CD99: variants seen among roughly 807,000 people sequenced by gnomAD.
The protein encoded by CD99 is CD99 molecule (Xg blood group).
CD99 carries 19 observed loss-of-function variants against 28.4 expected under a neutral mutation model. That is an observed-to-expected ratio of 0.67 (90% CI 0.47 to 0.98). The LOEUF is 0.98. Ranked by LOEUF, CD99 falls within the 50% of genes least tolerant of loss-of-function variation. CD99 has a pLI of 0.00. For missense variants in CD99, 283 were observed against 248.8 expected (o/e 1.14, Z -0.92); for synonymous variants, 103 against 92.1 (o/e 1.12, Z -0.67).
chrX:2,727,563 A>T (rs2049358984), intron 8 of CD99, among the ~76,000 whole-genome samples: 1 of 151,986 alleles, frequency 6.6e-6, no homozygotes, highest in Non-Finnish European at 1.5e-5. Flanking sequence ...TGCAGTCTCC[A>T]CCCCACAGGT....
At chrX:2,693,157 T>C (rs1324212110) in intron 1 of CD99, among the ~76,000 whole-genome samples, 1 of 151,956 alleles carries the variant, frequency 6.6e-6, no homozygotes, top group African/African-American at 2.4e-5. Context: ...GTGGTTTTTT[T>C]TTTTTGGACG....
intron 1 of CD99, among the ~76,000 whole-genome samples, chrX:2,703,596 G>A (rs909024278): frequency 3.4e-5 from 5 of 146,744 alleles, no homozygotes; most frequent in African/African-American, 5.2e-5. Flanking sequence ...TTAACAAACC[G>A]AGCTGTTAAG....
In CD99 at chrX:2,728,666, C is replaced by T. The variant is rs755714173; in HGVS notation, c.475+2293C>T. On this transcript the variant is annotated intron_variant, in intron 8 of 9. Coordinates refer to ENST00000381192, the MANE Select transcript of CD99 (RefSeq NM_002414.5). ...TCTAGAAGTAGCGGAGGGGTTAAAA[C>T]AGTAGGGACTCAATGGAAGGGAATT... is the stretch of plus-strand genomic sequence containing the variant. Among the ~76,000 whole-genome samples, 3 of 152,238 alleles carry T rather than the reference C, an allele frequency of 2.0e-5. No homozygotes were observed. The South Asian group carries it at 6.2e-4, about 32-fold the overall frequency.
intron 1 of CD99, among the ~76,000 whole-genome samples, chrX:2,695,019 G>A (rs1218173526): frequency 1.3e-5 from 2 of 152,056 alleles, no homozygotes; most frequent in African/African-American, 4.8e-5. Flanking sequence ...GAATGTTTTC[G>A]GACTCAGATA....
At chrX:2,737,863 C>CTTT in intron 8 of CD99, 12 of 413,930 alleles carry the variant, frequency 2.9e-5, no homozygotes, top group South Asian at 7.2e-5. Flanking sequence ...GATGCACGTA[C>CTTT]TTTTTTTTTT....
intron 3 of CD99, 126 bp downstream of exon 3, chrX:2,717,778 A>G: frequency 1.3e-6 from 1 of 772,032 alleles, no homozygotes; most frequent in Non-Finnish European, 2.3e-6. Context: ...GAGTCTGGTT[A>G]ATAGTTAATA....
chrX:2,727,830 C>T (rs2049374612), intron 8 of CD99, among the ~76,000 whole-genome samples: 1 of 152,172 alleles, frequency 6.6e-6, no homozygotes, highest in African/African-American at 2.4e-5. Context: ...CTCTGGGTGT[C>T]TGAACTTCTC....
chrX:2,706,426 A>G (rs311055), intron 1 of CD99, among the ~76,000 whole-genome samples: 118,745 of 152,116 alleles, frequency 0.78, 46,516 homozygotes, highest in South Asian at 0.84. Flanking sequence ...ACTCAGCAGC[A>G]AGTAAAGAGC....
intron 1 of CD99, among the ~76,000 whole-genome samples, chrX:2,694,726 C>T (rs1280220390): frequency 2.0e-5 from 3 of 151,814 alleles, no homozygotes; most frequent in Non-Finnish European, 4.4e-5. Context: ...GCATTATGGC[C>T]TGGGTAACAG....
intron 1 of CD99, chrX:2,692,391 C>A: frequency 5.9e-6 from 1 of 169,332 alleles, no homozygotes; most frequent in Non-Finnish European, 1.3e-5. Flanking sequence ...CGGGAACGCC[C>A]GGCCCTGGGG....
chrX:2,717,639 G>A lies in CD99; in HGVS notation c.135G>A (p.Lys45=). The A allele has an allele frequency of 6.2e-7, 1 of 1,613,670 alleles. No individual in the cohort carries two copies. Among genetic ancestry groups the A allele is most frequent in the Non-Finnish European group, 8.5e-7 (1 of 1,179,612 alleles). ...NENKKPTAIP[K]KPSAGDDFDL... ...ACAAGAAACCCACTGCAATCCCCAA[G>A]AAACCCAGTGCTGGTGAGAAGGGCT... is the stretch of plus-strand genomic sequence containing the variant. Residue 45 remains lysine (K), a synonymous_variant, in exon 3 of 10, where the codon AAG becomes AAA. Transcript: ENST00000381192.
intron 9 of CD99, 94 bp from the exon 10 acceptor site, chrX:2,740,685 A>G: frequency 3.0e-6 from 4 of 1,316,000 alleles, no homozygotes; most frequent in Non-Finnish European, 4.3e-6. Flanking sequence ...TTATGCAGAA[A>G]TAAAACCACT....
At chrX:2,710,589 C>T (rs775155902) in intron 1 of CD99, among the ~76,000 whole-genome samples, 53 of 150,826 alleles carry the variant, frequency 3.5e-4, no homozygotes, top group Non-Finnish European at 6.5e-4. Flanking sequence ...TTAAGTCTTC[C>T]TACCTTTCTA....
chrX:2,692,752 G>A (rs2047388654), intron 1 of CD99, among the ~76,000 whole-genome samples: 1 of 152,196 alleles, frequency 6.6e-6, no homozygotes. Flanking sequence ...GGCACCTGCA[G>A]ATGAACGGGT....
chrX:2,726,309 C>A lies in CD99; in HGVS notation c.411C>A (p.Ala137=), dbSNP rs201728300. 1 of 1,612,132 alleles carries A rather than the reference C, an allele frequency of 6.2e-7. No individual in the cohort carries two copies. Among genetic ancestry groups the A allele is most frequent in the Non-Finnish European group, 8.5e-7 (1 of 1,179,718 alleles). ...GGATTGTGGGGGCTGTCGTGGTCGCCGTGGCTGGAGCCATCTCTAGCTTCA... is the reference window on the plus strand; with the variant it reads ...GGATTGTGGGGGCTGTCGTGGTCGCAGTGGCTGGAGCCATCTCTAGCTTCA... The part of the protein sequence containing the change: ...IPGIVGAVVV[A]VAGAISSFIA... The change falls in exon 8 of 10, where the codon GCC becomes GCA. Residue 137 remains alanine (A), a synonymous_variant. Transcript: ENST00000381192.
At chrX:2,733,817 T>C (rs2049800008) in intron 8 of CD99, 1 of 187,810 alleles carries the variant, frequency 5.3e-6, no homozygotes, top group African/African-American at 2.3e-5. Flanking sequence ...TTCCAGGTCA[T>C]GCATGGATTT....
At chrX:2,695,716 C>T (rs1314127090) in intron 1 of CD99, among the ~76,000 whole-genome samples, 4 of 151,760 alleles carry the variant, frequency 2.6e-5, no homozygotes, top group African/African-American at 4.8e-5. Context: ...TCACTGCGAC[C>T]TGTGTCTCCC....
At chrX:2,709,383 C>G (rs954705324) in intron 1 of CD99, among the ~76,000 whole-genome samples, 1 of 152,224 alleles carries the variant, frequency 6.6e-6, no homozygotes, top group Non-Finnish European at 1.5e-5. Context: ...AGCACCCTCA[C>G]ACATATGCAC....
intron 2 of CD99, chrX:2,717,377 G>T: frequency 1.9e-6 from 1 of 536,206 alleles, no homozygotes. Flanking sequence ...GTGGAGAAGG[G>T]GCTCCTGGTC....
Sources: gnomAD v4.1 joint callset for allele counts (sites outside exome capture counted in the v4.1 genomes callset) on GRCh38, gnomAD v4.1.1 for gene constraint, MANE v1.5 for transcripts, NCBI Gene and HGNC (gene_info 2026-07-23, HGNC 2026-07-21) for gene names.